NECTIN3: variants seen among roughly 807,000 people sequenced by gnomAD.
NECTIN3 encodes the protein nectin-3.
A neutral mutation model predicts 49.4 loss-of-function variants in NECTIN3; 8 were observed. That is an observed-to-expected ratio of 0.16 (90% CI 0.10 to 0.29). The LOEUF is 0.29. Ranked by LOEUF, NECTIN3 falls within the 10% of genes least tolerant of loss-of-function variation. NECTIN3 has a pLI of 1.00. For synonymous variants in NECTIN3, 277 were observed against 241.1 expected, an observed-to-expected ratio of 1.15 and a Z score of -1.38; for missense variants, 581 against 654.6, an observed-to-expected ratio of 0.89 and a Z score of 1.23.
intron 5 of NECTIN3, among the ~76,000 whole-genome samples, chr3:111,127,465 CTTTTTTTT>C (rs35153084): frequency 2.0e-5 from 2 of 101,160 alleles, no homozygotes; most frequent in Admixed American, 9.6e-5. Context: ...TGCAAACTTT[CTTTTTTTT>C]TTTTTTTTTT....
At chr3:111,096,669 C>G (rs1047210209) in intron 1 of NECTIN3, among the ~76,000 whole-genome samples, 5 of 152,256 alleles carry the variant, frequency 3.3e-5, no homozygotes, top group East Asian at 1.9e-4. Context: ...CCCAGCCGCT[C>G]CAGCCGTGAC....
In NECTIN3 at chr3:111,079,851, A is replaced by G. The variant is rs568416466; in HGVS notation, c.160+7674A>G. ...CTTATATAGTAGCTTCCCCATTCCTATAAACACTTCTGAGGTTATATGATT... is the reference window on the plus strand; with the variant it reads ...CTTATATAGTAGCTTCCCCATTCCTGTAAACACTTCTGAGGTTATATGATT... On this transcript the variant is annotated intron_variant, in intron 1 of 5. Transcript: ENST00000485303. Among the ~76,000 whole-genome samples the G allele has an allele frequency of 1.2e-4, 18 of 152,166 alleles. No individual in the cohort carries two copies. In the South Asian group the frequency reaches 3.3e-3, roughly 28 times the overall value.
chr3:111,173,598 G>T (rs912710445), intron 7 of NECTIN3, among the ~76,000 whole-genome samples: 1 of 152,060 alleles, frequency 6.6e-6, no homozygotes, highest in Non-Finnish European at 1.5e-5. Context: ...CAGTTGAGCT[G>T]GTATTCCTTT....
At chr3:111,144,961 G>T in exon 6 of NECTIN3, 1 of 1,536,184 alleles carries the variant, frequency 6.5e-7, no homozygotes, top group Non-Finnish European at 8.7e-7. Context: ...AGCTGTTCTT[G>T]CCCTTTTCAT....
At chr3:111,103,933 T>A (rs2033045337) in intron 1 of NECTIN3, among the ~76,000 whole-genome samples, 1 of 152,176 alleles carries the variant, frequency 6.6e-6, no homozygotes, top group Admixed American at 6.5e-5. Context: ...TTGGATTGTT[T>A]CTACTTCTTG....
At chr3:111,125,029 T>C (rs1268847971) in intron 4 of NECTIN3, among the ~76,000 whole-genome samples, 3 of 137,828 alleles carry the variant, frequency 2.2e-5, no homozygotes, top group Admixed American at 7.1e-5. Flanking sequence ...TTTCTTTTTT[T>C]TTTTTTTTTT....
upstream of NECTIN3, among the ~76,000 whole-genome samples, chr3:111,191,826 C>T (rs1403291011): frequency 1.3e-5 from 2 of 152,068 alleles, no homozygotes; most frequent in African/African-American, 4.8e-5. Flanking sequence ...CAGATGTTGT[C>T]TATATTTTCT....
chr3:111,121,173 T>C (rs971207466), intron 3 of NECTIN3, among the ~76,000 whole-genome samples: 21 of 151,046 alleles, frequency 1.4e-4, no homozygotes, highest in Admixed American at 1.3e-3. Context: ...TGGCTAATTT[T>C]TTTTTTTTTT....
chr3:111,172,188 C>T (rs2035446618), intron 7 of NECTIN3, among the ~76,000 whole-genome samples: 1 of 152,084 alleles, frequency 6.6e-6, no homozygotes, highest in Non-Finnish European at 1.5e-5. Flanking sequence ...CCTCTTTCTT[C>T]CTTCTAACTT....
chr3:111,170,850 A>G (rs1276580787), intron 7 of NECTIN3, among the ~76,000 whole-genome samples: 1 of 152,154 alleles, frequency 6.6e-6, no homozygotes, highest in Non-Finnish European at 1.5e-5. Context: ...GGAAGTGGAC[A>G]GATGGGCCTT....
At position 111,134,311 on chromosome 3, in the gene NECTIN3, T is replaced by C; in HGVS notation, c.*96T>C. ...ACTTTTTCTTGAGGAAGAATAAGCT[T>C]TTTCAAGTTGATTTTCAAGCTTACT... On this transcript the variant is annotated 3_prime_UTR_variant, in exon 6 of 6. Coordinates refer to ENST00000485303, the MANE Select transcript of NECTIN3 (RefSeq NM_015480.3). 6.8e-7 allele frequency: 1 copy of C among 1,467,110 alleles called. No individual in the cohort carries two copies. 90.9% of individuals were successfully genotyped at this position (1,467,110 alleles called of 1,614,324 possible). A position where few individuals can be genotyped will look rare whatever the true frequency, so the allele number is the denominator to read the frequency against.
intron 7 of NECTIN3, among the ~76,000 whole-genome samples, chr3:111,160,220 G>A (rs768937792): frequency 3.7e-4 from 56 of 152,192 alleles, no homozygotes; most frequent in Admixed American, 1.9e-3. Context: ...CTGCATGTAC[G>A]TATATATATT....
intron 2 of NECTIN3, among the ~76,000 whole-genome samples, chr3:111,118,284 T>TATATATATATA (rs1559789405): frequency 2.0e-3 from 99 of 49,514 alleles, no homozygotes; most frequent in Middle Eastern, 0.02. Flanking sequence ...ATATATATAT[T>TATATATATATA]ATACATATAT....
At chr3:111,165,335 G>A (rs1286933921) in intron 7 of NECTIN3, among the ~76,000 whole-genome samples, 3 of 152,222 alleles carry the variant, frequency 2.0e-5, no homozygotes, top group East Asian at 3.9e-4. Context: ...GAGCCACCGT[G>A]CCCGGCCAGA....
intron 7 of NECTIN3, among the ~76,000 whole-genome samples, chr3:111,169,336 C>T (rs1235202080): frequency 2.7e-5 from 4 of 148,900 alleles, no homozygotes; most frequent in African/African-American, 7.4e-5. Flanking sequence ...GTGATCTGCC[C>T]GTCTCAGCCT....
chr3:111,111,911 G>GCA (rs2107449486), intron 1 of NECTIN3, 119 bp from the exon 2 acceptor site: 1 of 526,714 alleles, frequency 1.9e-6, no homozygotes. Flanking sequence ...GTGTGTGTGT[G>GCA]TGTGTGTGTG....
At position 111,185,323 on chromosome 3, in the gene NECTIN3, T is replaced by C. The variant is rs184241740; in HGVS notation, c.1222-7028T>C. Among the ~76,000 whole-genome samples, 661 of 152,280 alleles carry C rather than the reference T, an allele frequency of 4.3e-3. 5 individuals carry two copies. Among genetic ancestry groups the C allele is most frequent in the African/African-American group, 0.015 (619 of 41,558 alleles). ...AAGATAACACATGTGCGTGTGTGTG[T>C]GCGAGTGTGTGTGGATGGATATTTT... On this transcript the variant is annotated intron_variant, in intron 7 of 8. Transcript: ENST00000493615.
At chr3:111,105,614 C>G (rs1405318827) in intron 1 of NECTIN3, among the ~76,000 whole-genome samples, 1 of 152,160 alleles carries the variant, frequency 6.6e-6, no homozygotes, top group African/African-American at 2.4e-5. Flanking sequence ...ATCATATTTT[C>G]TCTAAAGACA....
intron 3 of NECTIN3, 55 bp downstream of exon 3, chr3:111,119,007 T>A (rs2033829133): frequency 7.1e-7 from 1 of 1,405,048 alleles, no homozygotes; most frequent in Non-Finnish European, 9.6e-7. Flanking sequence ...TTTATCAAAC[T>A]ATTTTTAGTT....
Sources: gnomAD v4.1 joint callset for allele counts (sites outside exome capture counted in the v4.1 genomes callset) on GRCh38, gnomAD v4.1.1 for gene constraint, MANE v1.5 for transcripts, NCBI Gene and HGNC (gene_info 2026-07-23, HGNC 2026-07-21) for gene names.